GRIN3A: variants seen among roughly 807,000 people sequenced by gnomAD.
GRIN3A encodes the protein glutamate ionotropic receptor NMDA type subunit 3A, also known as glutamate receptor ionotropic, NMDA 3A.
GRIN3A carries 47 observed loss-of-function variants against 92.4 expected under a neutral mutation model. That is an observed-to-expected ratio of 0.51 (90% CI 0.40 to 0.65). The LOEUF (loss-of-function observed/expected upper bound fraction) is 0.65. Among genes scored for constraint, GRIN3A ranks in the 30% least tolerant of loss-of-function variants. The pLI is 0.00. For synonymous variants in GRIN3A, 527 were observed against 540.6 expected (o/e 0.97, Z 0.35); for missense variants, 1,324 against 1,393.1 (o/e 0.95, Z 0.79).
chr9:101,735,069 C>G lies in GRIN3A; in HGVS notation c.699+2212G>C, dbSNP rs1003208835. On this transcript the variant is annotated intron_variant, in intron 1 of 8. Coordinates refer to ENST00000361820, the MANE Select transcript of GRIN3A (RefSeq NM_133445.3). The stretch of plus-strand genomic sequence containing the variant: ...GTTTTCACTGAAAGCAGATTACGGT[C>G]ATCTTAAAATTATATATTACAGTGA... 3.3e-5 allele frequency among the ~76,000 whole-genome samples: 5 copies of G among 151,806 alleles called. 1 individual carries two copies. Among genetic ancestry groups the G allele is most frequent in the Non-Finnish European group, 7.4e-5 (5 of 67,900 alleles).
At chr9:101,622,557 C>T (rs1448654490) in intron 5 of GRIN3A, among the ~76,000 whole-genome samples, 6 of 152,138 alleles carry the variant, frequency 3.9e-5, no homozygotes. Context: ...GAAAAATTTG[C>T]TGCCAGTGGA....
intron 1 of GRIN3A, among the ~76,000 whole-genome samples, chr9:101,721,883 C>T (rs963169992): frequency 1.3e-5 from 2 of 152,286 alleles, no homozygotes; most frequent in Middle Eastern, 3.4e-3. Flanking sequence ...CACAAAGGTT[C>T]AGAAAATTTG....
chr9:101,717,257 G>T (rs1363291505), intron 1 of GRIN3A, among the ~76,000 whole-genome samples: 1 of 152,018 alleles, frequency 6.6e-6, no homozygotes, highest in Non-Finnish European at 1.5e-5. Context: ...GTGGTTCCTG[G>T]TCACATTTTG....
At chr9:101,576,511 A>G (rs540782795) in intron 8 of GRIN3A, among the ~76,000 whole-genome samples, 1 of 152,338 alleles carries the variant, frequency 6.6e-6, no homozygotes, top group Non-Finnish European at 1.5e-5. Flanking sequence ...GTGAATATGA[A>G]TCATATCACA....
chr9:101,592,426 A>G (rs1828042637), intron 6 of GRIN3A: 1 of 152,214 alleles, frequency 6.6e-6, no homozygotes, highest in Admixed American at 6.5e-5. Context: ...GAATCCTCAA[A>G]ATAACCCTGG....
chr9:101,620,055 T>C (rs1828529274), intron 5 of GRIN3A, among the ~76,000 whole-genome samples: 1 of 152,228 alleles, frequency 6.6e-6, no homozygotes, highest in African/African-American at 2.4e-5. Context: ...TTTTCCCTTT[T>C]AAGTCAAAAT....
intron 1 of GRIN3A, among the ~76,000 whole-genome samples, chr9:101,722,382 G>A (rs1192636199): frequency 1.3e-5 from 2 of 152,258 alleles, no homozygotes; most frequent in East Asian, 3.9e-4. Context: ...AGTGCAGAAG[G>A]GAAATGTGGG....
chr9:101,582,315 C>T lies in GRIN3A; in HGVS notation c.2767-2955G>A, dbSNP rs149100648. 2.0e-4 allele frequency among the ~76,000 whole-genome samples: 30 copies of T among 152,280 alleles called. 1 individual carries two copies. In the East Asian group the frequency reaches 4.1e-3, roughly 21 times the overall value. ...TCTCTTTCCCTCCATGCCAGTACTG[C>T]AGGCTGTGAATCAAAGACTAGTGTT... On this transcript the variant is annotated intron_variant, in intron 6 of 8. Transcript: ENST00000361820.
intron 6 of GRIN3A, among the ~76,000 whole-genome samples, chr9:101,590,443 G>A (rs1828009467): frequency 6.6e-6 from 1 of 151,752 alleles, no homozygotes; most frequent in South Asian, 2.1e-4. Context: ...GTGCAGTGGT[G>A]TGATCTCAGC....
chr9:101,628,216 A>G (rs1266643624), intron 4 of GRIN3A, 40 bp downstream of exon 4: 1 of 1,608,506 alleles, frequency 6.2e-7, no homozygotes, highest in East Asian at 2.2e-5. Context: ...ACTTCTCTTC[A>G]GTGAGAATTT....
At chr9:101,639,786 T>G (rs1418479862) in intron 3 of GRIN3A, among the ~76,000 whole-genome samples, 2 of 152,166 alleles carry the variant, frequency 1.3e-5, no homozygotes, top group Non-Finnish European at 2.9e-5. Context: ...AGTAGAAGGT[T>G]TAACCTAAAG....
chr9:101,664,956 A>G (rs1157870435), intron 3 of GRIN3A, among the ~76,000 whole-genome samples: 1 of 151,940 alleles, frequency 6.6e-6, no homozygotes, highest in Non-Finnish European at 1.5e-5. Context: ...ACAGAGGATC[A>G]CAAATCTTAC....
intron 1 of GRIN3A, among the ~76,000 whole-genome samples, chr9:101,721,992 C>G (rs1830018863): frequency 6.6e-6 from 1 of 152,192 alleles, no homozygotes; most frequent in Non-Finnish European, 1.5e-5. Context: ...TAATGTTAAT[C>G]CACAAGACCA....
intron 2 of GRIN3A, among the ~76,000 whole-genome samples, chr9:101,673,485 A>G (rs1260029194): frequency 6.6e-6 from 1 of 152,160 alleles, no homozygotes; most frequent in Admixed American, 6.6e-5. Context: ...ATCACCATTT[A>G]TGACAGATTA....
chr9:101,671,453 A>G (rs1207133767), intron 2 of GRIN3A, among the ~76,000 whole-genome samples: 1 of 152,158 alleles, frequency 6.6e-6, no homozygotes, highest in Non-Finnish European at 1.5e-5. Context: ...TTTTCAAGCT[A>G]TGGAGGTTTT....
In GRIN3A at chr9:101,587,387, C is replaced by A. The variant is rs145132154; in HGVS notation, c.2767-8027G>T. 5.7e-4 allele frequency among the ~76,000 whole-genome samples: 86 copies of A among 152,000 alleles called. 1 individual carries two copies. The East Asian group carries it at 0.012, about 21-fold the overall frequency. ...TATGTACTGTTTAAAGGATTAAGGT[C>A]CTCTAGCTCCGAGGTGTGAATATAA... On this transcript the variant is annotated intron_variant, in intron 6 of 8. Transcript: ENST00000361820.
chr9:101,600,013 G>T (rs1828191028), intron 6 of GRIN3A, among the ~76,000 whole-genome samples: 1 of 152,138 alleles, frequency 6.6e-6, no homozygotes, highest in Admixed American at 6.5e-5. Context: ...TACTGAAATG[G>T]TGTTTAATGA....
rs528720281 is a variant in GRIN3A, at chr9:101,655,962, A to T, written c.2352+14098T>A. 2.0e-5 allele frequency among the ~76,000 whole-genome samples: 3 copies of T among 152,098 alleles called. No homozygotes were observed. The South Asian group carries it at 6.2e-4, about 31-fold the overall frequency. ...AGGCCTGTGTAAAAGTGTGCAGATG[A>T]TAAAATTATGTGAATACAGGGGCAG... On this transcript the variant is annotated intron_variant, in intron 3 of 8. Coordinates refer to ENST00000361820, the MANE Select transcript of GRIN3A (RefSeq NM_133445.3).
rs1056293022 is a variant in GRIN3A at position 101,571,889 on chromosome 9, T to C, written c.*1285A>G. ...TGATGAGTTCTCTACTAGATGACTCTTATCTACATTGACATTTGAGAACTG... is the reference window on the plus strand; with the variant it reads ...TGATGAGTTCTCTACTAGATGACTCCTATCTACATTGACATTTGAGAACTG... On this transcript the variant is annotated 3_prime_UTR_variant, in exon 9 of 9. Transcript: ENST00000361820. 1 of 152,210 alleles carries C rather than the reference T, an allele frequency of 6.6e-6. No homozygotes were observed. Among genetic ancestry groups the C allele is most frequent in the Non-Finnish European group, 1.5e-5 (1 of 68,058 alleles). The allele number at this position is 152,210 out of a possible 1,614,324, so 9.4% of individuals were successfully genotyped here. A position where few individuals can be genotyped will look rare whatever the true frequency, so the allele number is the denominator to read the frequency against.
Sources: gnomAD v4.1 joint callset for allele counts (sites outside exome capture counted in the v4.1 genomes callset) on GRCh38, gnomAD v4.1.1 for gene constraint, MANE v1.5 for transcripts, NCBI Gene and HGNC (gene_info 2026-07-23, HGNC 2026-07-21) for gene names.